The following GABRR1 variants were observed in gnomAD, a reference collection of about 807,000 sequenced individuals.
GABRR1 encodes gamma-aminobutyric acid receptor subunit rho-1.
A neutral mutation model predicts 55.5 loss-of-function variants in GABRR1; 59 were observed. The ratio of observed to expected loss-of-function variants is 1.06; its 90% CI spans 0.86 to 1.32. GABRR1 has a LOEUF of 1.32. Ranked by LOEUF, GABRR1 falls within the 40% of genes most tolerant of loss-of-function variation. The pLI is 0.00. For missense variants in GABRR1, 602 were observed against 619.1 expected (o/e 0.97, Z 0.29); for synonymous variants, 213 against 226.0 (o/e 0.94, Z 0.51).
intron 7 of GABRR1, among the ~76,000 whole-genome samples, chr6:89,183,972 G>T (rs974476363): frequency 3.3e-5 from 5 of 152,148 alleles, no homozygotes; most frequent in Admixed American, 2.0e-4. Flanking sequence ...GGGCGCAGTG[G>T]TTCATGCCTG....
chr6:89,189,225 G>A (rs576670283), intron 6 of GABRR1, among the ~76,000 whole-genome samples: 15 of 151,740 alleles, frequency 9.9e-5, no homozygotes, highest in East Asian at 3.9e-4. Flanking sequence ...TGTTTATTGC[G>A]GCATTATTCA....
At chr6:89,201,330 C>T (rs960736205) in intron 2 of GABRR1, 65 bp from the exon 3 acceptor site, 7 of 1,098,898 alleles carry the variant, frequency 6.4e-6, no homozygotes, top group Non-Finnish European at 9.8e-6. Flanking sequence ...CAGTAACTTG[C>T]ATTCTGACTT....
At chr6:89,208,179 G>A (rs1391918931) in intron 1 of GABRR1, among the ~76,000 whole-genome samples, 1 of 152,192 alleles carries the variant, frequency 6.6e-6, no homozygotes, top group African/African-American at 2.4e-5. Context: ...CACTGGGTGT[G>A]TGCGTGTGTT....
intron 1 of GABRR1, among the ~76,000 whole-genome samples, chr6:89,206,943 C>T (rs1322225040): frequency 6.6e-6 from 1 of 151,996 alleles, no homozygotes; most frequent in Non-Finnish European, 1.5e-5. Context: ...TCTGTAAAAC[C>T]TTAGCAGTGT....
chr6:89,219,883 C>A (rs751495856), upstream of GABRR1, among the ~76,000 whole-genome samples: 1 of 152,138 alleles, frequency 6.6e-6, no homozygotes, highest in Non-Finnish European at 1.5e-5. Context: ...ATGTGAGAGT[C>A]ATGATTATAT....
intron 8 of GABRR1, 131 bp from the exon 9 acceptor site, chr6:89,180,619 G>A (rs1771688432): frequency 9.4e-7 from 1 of 1,063,670 alleles, no homozygotes; most frequent in Non-Finnish European, 1.3e-6. Flanking sequence ...CCACTGCCCA[G>A]CAAACACCTA....
At chr6:89,220,558 A>G (rs1287602138), upstream of GABRR1, among the ~76,000 whole-genome samples, 1 of 152,054 alleles carries the variant, frequency 6.6e-6, no homozygotes, top group Non-Finnish European at 1.5e-5. Flanking sequence ...TCCCACTAAC[A>G]CCACGTGGCT....
chr6:89,204,873 T>G (rs1377966391), intron 1 of GABRR1, among the ~76,000 whole-genome samples: 1 of 152,210 alleles, frequency 6.6e-6, no homozygotes, highest in Non-Finnish European at 1.5e-5. Flanking sequence ...CATCTGTATT[T>G]TCTTATGATT....
intron 1 of GABRR1, 141 bp downstream of exon 1, chr6:89,217,060 A>T: frequency 1.3e-6 from 1 of 776,976 alleles, no homozygotes; most frequent in Non-Finnish European, 2.0e-6. Flanking sequence ...GAGCAGCAGG[A>T]GAACAAAGGG....
At chr6:89,196,863 G>GAAAGAAAGAAAA (rs1207120530) in intron 5 of GABRR1, among the ~76,000 whole-genome samples, 1 of 124,778 alleles carries the variant, frequency 8.0e-6, no homozygotes, top group African/African-American at 2.9e-5. Context: ...AAGAAAGAAA[G>GAAAGAAAGAAAA]AAAGAAAGAA....
chr6:89,190,324 C>T, intron 5 of GABRR1, 77 bp from the exon 6 acceptor site: 1 of 956,624 alleles, frequency 1.0e-6, no homozygotes, highest in South Asian at 1.5e-5. Context: ...GAAAAGGCCT[C>T]TGCTTCCTTC....
chr6:89,210,331 C>A (rs1772795325), intron 1 of GABRR1, among the ~76,000 whole-genome samples: 1 of 151,610 alleles, frequency 6.6e-6, no homozygotes, highest in South Asian at 2.1e-4. Flanking sequence ...GTAGCTAGGA[C>A]CACAGGTGTG....
At chr6:89,222,082 AT>A (rs368968689), upstream of GABRR1, among the ~76,000 whole-genome samples, 225 of 152,328 alleles carry the variant, frequency 1.5e-3, 1 homozygote, top group African/African-American at 4.9e-3. Context: ...CAGAGAAGAC[AT>A]GAAAAGCAAG....
At chr6:89,219,191 G>A (rs1773074920), upstream of GABRR1, among the ~76,000 whole-genome samples, 1 of 152,092 alleles carries the variant, frequency 6.6e-6, no homozygotes, top group African/African-American at 2.4e-5. Context: ...GCTTGAACCT[G>A]GGAGGTGGAA....
chr6:89,196,880 AGAAG>A (rs1243695965), intron 5 of GABRR1, among the ~76,000 whole-genome samples: 116 of 133,658 alleles, frequency 8.7e-4, no homozygotes, highest in African/African-American at 3.4e-3. Context: ...AGAAAGAAAG[AGAAG>A]AGAAGAAAAA....
chr6:89,185,918 G>C (rs1771887753), intron 6 of GABRR1, among the ~76,000 whole-genome samples: 1 of 152,148 alleles, frequency 6.6e-6, no homozygotes, highest in Non-Finnish European at 1.5e-5. Flanking sequence ...CTGAATTTTA[G>C]CAAGAAAAGA....
intron 1 of GABRR1, among the ~76,000 whole-genome samples, chr6:89,226,316 G>A (rs13216435): frequency 0.26 from 33,721 of 130,178 alleles, 4,767 homozygotes; most frequent in African/African-American, 0.3. Context: ...TGCTTTTGGT[G>A]TTTTGGACAT....
At chr6:89,228,719 TG>T (rs1773234877) in intron 1 of GABRR1, among the ~76,000 whole-genome samples, 1 of 144,316 alleles carries the variant, frequency 6.9e-6, no homozygotes, top group East Asian at 2.0e-4. Flanking sequence ...TGTGGTGTGG[TG>T]CTGAAAAAAA....
Position 89,181,907 on chromosome 6 carries a change from A to G in GABRR1, c.947T>C (p.Leu316Ser). Reference sequence around the variant, plus strand: ...TATGCACTTGAGGTATTCCTTACCTAAGGGGACTCTGGCAGGCACGGCTCT... The same window carrying G: ...TATGCACTTGAGGTATTCCTTACCTGAGGGGACTCTGGCAGGCACGGCTCT... ...DRRAVPARVPLGITTVLTMST... is the reference protein window; with the variant it reads ...DRRAVPARVPSGITTVLTMST... Residue 316 changes from leucine to serine, a missense_variant and splice_region_variant, in exon 8 of 10, where the codon TTA becomes TCA. Transcript: ENST00000454853. 1.2e-6 allele frequency: 2 copies of G among 1,612,110 alleles called. No homozygotes were observed. Among genetic ancestry groups the G allele is most frequent in the Non-Finnish European group, 1.7e-6 (2 of 1,178,982 alleles).
Sources: allele counts gnomAD v4.1 joint callset (sites outside exome capture counted in the v4.1 genomes callset), GRCh38; gene constraint gnomAD v4.1.1; transcripts MANE v1.5; gene names NCBI Gene and HGNC (gene_info 2026-07-23, HGNC 2026-07-21).